Variants in ADAMTS18 observed in about 807,000 individuals in gnomAD.
ADAMTS18 encodes the protein ADAM metallopeptidase with thrombospondin type 1 motif 18, also known as A disintegrin and metalloproteinase with thrombospondin motifs 18.
In ADAMTS18, 157 loss-of-function variants were observed where a neutral mutation model predicts 165.9. The ratio of observed to expected loss-of-function variants is 0.95; its 90% CI spans 0.83 to 1.08. The LOEUF (loss-of-function observed/expected upper bound fraction) is 1.08, where lower values mean the gene tolerates loss of function less well. Among genes scored for constraint, ADAMTS18 ranks in the 50% least tolerant of loss-of-function variants. The pLI, the probability that ADAMTS18 is intolerant of heterozygous loss-of-function variation, is 0.00. For synonymous variants in ADAMTS18, 782 were observed against 578.2 expected, an observed-to-expected ratio of 1.35 and a Z score of -5.06; for missense variants, 2,040 against 1,534.0, an observed-to-expected ratio of 1.33 and a Z score of -5.51.
At chr16:77,337,975 C>T (rs948098761) in intron 11 of ADAMTS18, among the ~76,000 whole-genome samples, 5 of 150,248 alleles carry the variant, frequency 3.3e-5, no homozygotes, top group African/African-American at 1.2e-4. Flanking sequence ...GCGATCTCGG[C>T]TCACTGCAAC....
chr16:77,434,577 C>G, intron 1 of ADAMTS18, 29 bp downstream of exon 1: 1 of 1,529,394 alleles, frequency 6.5e-7, no homozygotes, highest in Non-Finnish European at 8.7e-7. Flanking sequence ...CTGCCACCCG[C>G]TCTCGGAGCT....
intron 3 of ADAMTS18, among the ~76,000 whole-genome samples, chr16:77,368,794 T>C (rs2056836080): frequency 6.6e-6 from 1 of 152,152 alleles, no homozygotes. Context: ...ATGTGATCTC[T>C]AAGTGGGGGT....
At chr16:77,328,603 T>C (rs1470881163) in intron 12 of ADAMTS18, among the ~76,000 whole-genome samples, 1 of 152,246 alleles carries the variant, frequency 6.6e-6, no homozygotes, top group Non-Finnish European at 1.5e-5. Context: ...TGAAGACTTC[T>C]TAAATGATTA....
In ADAMTS18 at chr16:77,434,734, C is replaced by A; in HGVS notation, c.-39G>T. 3 of 1,396,640 alleles carry A rather than the reference C, an allele frequency of 2.1e-6. No homozygotes were observed. The highest frequency in any genetic ancestry group is 3.0e-5 in the South Asian group (2 of 66,332). The allele number at this position is 1,396,640 out of a possible 1,614,324, so 86.5% of individuals were successfully genotyped here. On this transcript the variant is annotated 5_prime_UTR_variant, in exon 1 of 23. Transcript: ENST00000282849. Reference sequence around the variant, plus strand: ...CGCGGCGGCTGCGGGTGGCCAGACGCGGCAGGCGGAGCGCACGGGCGGCGC... The same window carrying A: ...CGCGGCGGCTGCGGGTGGCCAGACGAGGCAGGCGGAGCGCACGGGCGGCGC...
At chr16:77,353,214 C>A (rs2056581239) in intron 10 of ADAMTS18, among the ~76,000 whole-genome samples, 1 of 152,152 alleles carries the variant, frequency 6.6e-6, no homozygotes, top group Non-Finnish European at 1.5e-5. Flanking sequence ...GACTTTTGTA[C>A]TTTCCCAATT....
intron 3 of ADAMTS18, among the ~76,000 whole-genome samples, chr16:77,404,765 C>T (rs563122512): frequency 6.6e-6 from 1 of 152,204 alleles, no homozygotes; most frequent in Non-Finnish European, 1.5e-5. Context: ...ATGCTAGGCT[C>T]TGAAGCTGCA....
chr16:77,307,154 C>T (rs1298245124), intron 16 of ADAMTS18, among the ~76,000 whole-genome samples: 2 of 152,178 alleles, frequency 1.3e-5, no homozygotes, highest in Non-Finnish European at 2.9e-5. Flanking sequence ...GTTTTAACAA[C>T]TGAAATATAA....
At chr16:77,287,275 G>A (rs1476795846) in intron 22 of ADAMTS18, among the ~76,000 whole-genome samples, 1 of 152,092 alleles carries the variant, frequency 6.6e-6, no homozygotes, top group Non-Finnish European at 1.5e-5. Flanking sequence ...AATGTTTTCT[G>A]AAAACTCACA....
chr16:77,356,677 C>T (rs1435875467), intron 8 of ADAMTS18, among the ~76,000 whole-genome samples: 1 of 152,056 alleles, frequency 6.6e-6, no homozygotes. Flanking sequence ...TAAATCTTGA[C>T]CATTACTGTT....
intron 10 of ADAMTS18, among the ~76,000 whole-genome samples, chr16:77,352,246 T>C (rs958090637): frequency 6.6e-6 from 1 of 152,074 alleles, no homozygotes; most frequent in Non-Finnish European, 1.5e-5. Flanking sequence ...TGAATGTGAA[T>C]TGGTTTCTAG....
At chr16:77,312,201 G>A (rs2055794988) in intron 16 of ADAMTS18, among the ~76,000 whole-genome samples, 1 of 151,884 alleles carries the variant, frequency 6.6e-6, no homozygotes, top group Non-Finnish European at 1.5e-5. Context: ...CACCAGTGGA[G>A]GCCAATCTTC....
At chr16:77,302,700 G>A (rs1263698098) in intron 16 of ADAMTS18, among the ~76,000 whole-genome samples, 2 of 152,162 alleles carry the variant, frequency 1.3e-5, no homozygotes, top group African/African-American at 4.8e-5. Flanking sequence ...TGCCTTTTGA[G>A]CTTCTAGGAC....
chr16:77,400,596 C>T (rs1251952753), intron 3 of ADAMTS18, among the ~76,000 whole-genome samples: 1 of 151,854 alleles, frequency 6.6e-6, no homozygotes, highest in African/African-American at 2.4e-5. Context: ...ATTCTCCTGC[C>T]TCAGCCTCCT....
intron 3 of ADAMTS18, among the ~76,000 whole-genome samples, chr16:77,386,728 T>C (rs2057113135): frequency 6.6e-6 from 1 of 152,174 alleles, no homozygotes; most frequent in African/African-American, 2.4e-5. Flanking sequence ...TTCCTTCTCT[T>C]ATAGCTGTCA....
At chr16:77,400,334 A>G (rs968569503) in intron 3 of ADAMTS18, among the ~76,000 whole-genome samples, 2 of 151,870 alleles carry the variant, frequency 1.3e-5, no homozygotes, top group African/African-American at 2.4e-5. Flanking sequence ...GCCTCCAGCC[A>G]TCCTTTGGGG....
At chr16:77,365,142 G>C (rs940525708) in intron 4 of ADAMTS18, among the ~76,000 whole-genome samples, 1 of 151,060 alleles carries the variant, frequency 6.6e-6, no homozygotes, top group Non-Finnish European at 1.5e-5. Context: ...TTACCTTTAA[G>C]ATAGAGTCTC....
intron 3 of ADAMTS18, among the ~76,000 whole-genome samples, chr16:77,388,158 G>A (rs1265617599): frequency 6.6e-6 from 1 of 152,152 alleles, no homozygotes; most frequent in African/African-American, 2.4e-5. Context: ...GGAGTGCAGT[G>A]GCACCATCTC....
chr16:77,377,804 A>G (rs556858179), intron 3 of ADAMTS18, among the ~76,000 whole-genome samples: 2 of 152,246 alleles, frequency 1.3e-5, no homozygotes, highest in Non-Finnish European at 2.9e-5. Flanking sequence ...CTAAAGAGTA[A>G]GTCATTGATT....
At chr16:77,374,340 T>A (rs1273017595) in intron 3 of ADAMTS18, among the ~76,000 whole-genome samples, 1 of 152,030 alleles carries the variant, frequency 6.6e-6, no homozygotes, top group African/African-American at 2.4e-5. Flanking sequence ...TTCAAGACTA[T>A]AATGCACATG....
Sources: allele counts gnomAD v4.1 joint callset (sites outside exome capture counted in the v4.1 genomes callset), GRCh38; gene constraint gnomAD v4.1.1; transcripts MANE v1.5; gene names NCBI Gene and HGNC (gene_info 2026-07-23, HGNC 2026-07-21).